The following FSTL4 variants were observed in gnomAD, a reference collection of about 807,000 sequenced individuals.
FSTL4 encodes follistatin like 4.
FSTL4 carries 28 observed loss-of-function variants against 78.2 expected under a neutral mutation model. That is an observed-to-expected ratio of 0.36 (90% CI 0.27 to 0.49). The LOEUF is 0.49. FSTL4 is among the 20% of genes least tolerant of loss of function. The pLI is 0.98. For synonymous variants in FSTL4, 422 were observed against 440.5 expected (o/e 0.96, Z 0.53); for missense variants, 922 against 1,084.9 (o/e 0.85, Z 2.11).
chr5:133,540,901 G>T (rs1759457547), intron 3 of FSTL4, among the ~76,000 whole-genome samples: 1 of 151,920 alleles, frequency 6.6e-6, no homozygotes, highest in Admixed American at 6.6e-5. Context: ...CACATCCAGG[G>T]TTCTTCCATC....
At position 133,591,220 on chromosome 5, in the gene FSTL4, C is replaced by T. The variant is rs534986447; in HGVS notation, c.126+12638G>A. On this transcript the variant is annotated intron_variant, in intron 2 of 15. Coordinates refer to ENST00000265342, the MANE Select transcript of FSTL4 (RefSeq NM_015082.2). Reference sequence around the variant, plus strand: ...TGGATAAGTTGGGCTTCTGAGCTGCCCAGCCACAGACAGGCCGGGTTGGTG... The same window carrying T: ...TGGATAAGTTGGGCTTCTGAGCTGCTCAGCCACAGACAGGCCGGGTTGGTG... 9.9e-5 allele frequency among the ~76,000 whole-genome samples: 15 copies of T among 152,232 alleles called. No individual in the cohort carries two copies. In the South Asian group the frequency reaches 1.5e-3, roughly 15 times the overall value.
intron 6 of FSTL4, among the ~76,000 whole-genome samples, chr5:133,271,953 C>T (rs1319411505): frequency 6.6e-6 from 1 of 152,172 alleles, no homozygotes. Context: ...TTTTCCTCCT[C>T]CACCCTGAAG....
chr5:133,767,723 C>T, the FSTL4 span, among the ~76,000 whole-genome samples: 2 of 152,324 alleles, frequency 1.3e-5, no homozygotes, highest in African/African-American at 4.8e-5. Flanking sequence ...CAGGAGGGAA[C>T]ACATGTACAG....
At chr5:133,671,850 A>G in the FSTL4 span, among the ~76,000 whole-genome samples, 18 of 152,244 alleles carry the variant, frequency 1.2e-4, no homozygotes, top group Non-Finnish European at 2.5e-4. Flanking sequence ...TTGGACCAGT[A>G]TAAGCATGCC....
chr5:133,263,101 T>G (rs1054122373), intron 6 of FSTL4, among the ~76,000 whole-genome samples: 3 of 152,058 alleles, frequency 2.0e-5, no homozygotes, highest in African/African-American at 7.2e-5. Context: ...GAATCCAGGA[T>G]GAATACTGGG....
At chr5:133,689,783 C>T in the FSTL4 span, among the ~76,000 whole-genome samples, 8 of 152,214 alleles carry the variant, frequency 5.3e-5, no homozygotes, top group African/African-American at 1.9e-4. Context: ...TCCACCAGGC[C>T]AGGCACGGTG....
chr5:133,717,888 A>G, the FSTL4 span, among the ~76,000 whole-genome samples: 3 of 152,192 alleles, frequency 2.0e-5, no homozygotes, highest in African/African-American at 7.2e-5. Flanking sequence ...ACTTTCATGC[A>G]TACCTTTTAG....
At chr5:133,764,884 G>A in the FSTL4 span, among the ~76,000 whole-genome samples, 1 of 151,988 alleles carries the variant, frequency 6.6e-6, no homozygotes, top group Non-Finnish European at 1.5e-5. Context: ...ATGCATTCTG[G>A]AATGTGAACT....
the FSTL4 span, among the ~76,000 whole-genome samples, chr5:133,699,677 C>G: frequency 6.6e-6 from 1 of 152,002 alleles, no homozygotes; most frequent in Non-Finnish European, 1.5e-5. Flanking sequence ...GTCAGGAGAT[C>G]GAGACCATCC....
At chr5:133,557,331 G>T (rs1759811343) in intron 3 of FSTL4, among the ~76,000 whole-genome samples, 2 of 152,212 alleles carry the variant, frequency 1.3e-5, no homozygotes, top group Admixed American at 6.5e-5. Context: ...CAGGCACTCA[G>T]AATCCTTTTA....
intron 6 of FSTL4, among the ~76,000 whole-genome samples, chr5:133,284,904 G>A (rs1224577318): frequency 6.6e-6 from 1 of 152,196 alleles, no homozygotes; most frequent in African/African-American, 2.4e-5. Flanking sequence ...GACAGGCTGA[G>A]TAGGGTGTCA....
At chr5:133,330,218 C>T (rs1754311221) in intron 4 of FSTL4, among the ~76,000 whole-genome samples, 1 of 152,156 alleles carries the variant, frequency 6.6e-6, no homozygotes, top group Non-Finnish European at 1.5e-5. Context: ...CTGCATTTCT[C>T]CTTTTTATCA....
At chr5:133,673,526 T>C in the FSTL4 span, among the ~76,000 whole-genome samples, 1 of 152,216 alleles carries the variant, frequency 6.6e-6, no homozygotes, top group Admixed American at 6.5e-5. Context: ...TAACCAAGAT[T>C]GCCTAATTAA....
At chr5:133,687,328 A>G in the FSTL4 span, among the ~76,000 whole-genome samples, 7 of 152,188 alleles carry the variant, frequency 4.6e-5, no homozygotes, top group African/African-American at 1.7e-4. Flanking sequence ...GCCAGGTTGG[A>G]GCCTTATGTC....
At chr5:133,411,185 C>A (rs1580691634) in intron 3 of FSTL4, among the ~76,000 whole-genome samples, 1 of 152,290 alleles carries the variant, frequency 6.6e-6, no homozygotes, top group Non-Finnish European at 1.5e-5. Context: ...TTCAGTGTTG[C>A]CTTCAAACAG....
At chr5:133,290,888 A>G (rs1262041692) in intron 6 of FSTL4, among the ~76,000 whole-genome samples, 1 of 152,204 alleles carries the variant, frequency 6.6e-6, no homozygotes, top group Non-Finnish European at 1.5e-5. Context: ...TGAAATGACA[A>G]TACAGCTGAA....
the FSTL4 span, among the ~76,000 whole-genome samples, chr5:133,714,443 C>T: frequency 6.6e-6 from 1 of 152,114 alleles, no homozygotes; most frequent in Non-Finnish European, 1.5e-5. Flanking sequence ...CCCTGAAGCC[C>T]GGCGATCTCA....
intron 4 of FSTL4, among the ~76,000 whole-genome samples, chr5:133,372,253 G>C (rs2562373): frequency 1.4e-3 from 49 of 36,230 alleles, no homozygotes; most frequent in African/African-American, 2.5e-3. Context: ...ATCTATGTAT[G>C]TATGTATGTA....
At chr5:133,774,335 A>C in the FSTL4 span, among the ~76,000 whole-genome samples, 7 of 152,188 alleles carry the variant, frequency 4.6e-5, no homozygotes, top group African/African-American at 1.7e-4. Flanking sequence ...TTTGCTTGTC[A>C]GGGAACATTT....
Sources: gnomAD v4.1 joint callset for allele counts (sites outside exome capture counted in the v4.1 genomes callset) on GRCh38, gnomAD v4.1.1 for gene constraint, MANE v1.5 for transcripts, NCBI Gene and HGNC (gene_info 2026-07-23, HGNC 2026-07-21) for gene names.